The following MTOR variants were observed in gnomAD, a reference collection of about 807,000 sequenced individuals.
The protein encoded by MTOR is mechanistic target of rapamycin kinase.
Under a neutral mutation model 319.8 loss-of-function variants are expected in MTOR, and 70 were observed. That is an observed-to-expected ratio of 0.22 (90% CI 0.18 to 0.27). MTOR has a LOEUF of 0.27. Ranked by LOEUF, MTOR falls within the 10% of genes least tolerant of loss-of-function variation. The probability of loss-of-function intolerance (pLI) is 1.00; values close to 1 mark genes in which losing one functional copy is unlikely to be tolerated. For missense variants in MTOR, 1,890 were observed against 3,274.4 expected (o/e 0.58, Z 10.32); for synonymous variants, 1,183 against 1,211.4 (o/e 0.98, Z 0.49).
intron 24 of MTOR, among the ~76,000 whole-genome samples, chr1:11,210,212 G>A (rs963632382): frequency 2.0e-5 from 3 of 152,200 alleles, no homozygotes; most frequent in African/African-American, 7.2e-5. Context: ...ACCCAGGCTG[G>A]AGTGCACTGG....
At chr1:11,233,632 T>C (rs1647097330) in intron 14 of MTOR, 145 bp from the exon 15 acceptor site, 1 of 661,382 alleles carries the variant, frequency 1.5e-6, no homozygotes, top group South Asian at 2.0e-5. Flanking sequence ...TTCTCTGGAA[T>C]GTAAATTCTC....
At chr1:11,108,678 A>G (rs868163671) in intron 56 of MTOR, among the ~76,000 whole-genome samples, 25 of 145,764 alleles carry the variant, frequency 1.7e-4, no homozygotes, top group African/African-American at 5.7e-4. Flanking sequence ...GCACCACTGC[A>G]CTCCAGCCTG....
Position 11,127,647 on chromosome 1 carries a change from G to A in MTOR, c.6193C>T (p.Leu2065=), listed in dbSNP as rs751768790. Residue 2065 remains leucine, a synonymous_variant, in exon 44 of 58, where the codon CTG becomes TTG. Transcript: ENST00000361445. The surrounding 1 kb of genome is among the most constrained non-coding windows in gnomAD (Gnocchi z 5.5). ...HAMMERGPQT[L]KETSFNQAYG... ...ACCTGATTAAAGGATGTTTCCTTCA[G>A]AGTCTGGGGGCCCCGTTCCATCATA... is the stretch of plus-strand genomic sequence containing the variant. The A allele has an allele frequency of 6.2e-7, 1 of 1,613,660 alleles. No individual in the cohort carries two copies. The highest frequency in any genetic ancestry group is 8.5e-7 in the Non-Finnish European group (1 of 1,179,872).
At chr1:11,188,177 A>C (rs900184028) in intron 28 of MTOR, among the ~76,000 whole-genome samples, 1 of 152,314 alleles carries the variant, frequency 6.6e-6, no homozygotes, top group Admixed American at 6.5e-5. Flanking sequence ...CATAACATGG[A>C]AACAGCAATC....
chr1:11,209,927 G>A (rs1329951935), intron 24 of MTOR, among the ~76,000 whole-genome samples: 1 of 152,154 alleles, frequency 6.6e-6, no homozygotes, highest in East Asian at 1.9e-4. Flanking sequence ...GAGTGCAGTA[G>A]CGCAATCTCA....
In MTOR at chr1:11,212,426, A is replaced by C. The variant is rs766473335; in HGVS notation, c.3447T>G (p.Thr1149=). Residue 1149 remains threonine (T), a synonymous_variant, in exon 23 of 58, where the codon ACT becomes ACG. Coordinates refer to ENST00000361445, the MANE Select transcript of MTOR (RefSeq NM_004958.4). The surrounding 1 kb of genome is among the most constrained non-coding windows in gnomAD (Gnocchi z 4.1). The stretch of plus-strand genomic sequence containing the variant: ...GGTGAATGATCCGGGAGGCATAGTC[A>C]GTGAAATCCAGGGACTCCGTCAGGC... The part of the protein sequence containing the change: ...VDRLTESLDF[T]DYASRIIHPI... 6.2e-7 allele frequency: 1 copy of C among 1,614,198 alleles called. No individual in the cohort carries two copies. Among genetic ancestry groups the C allele is most frequent in the Admixed American group, 1.7e-5 (1 of 60,020 alleles).
chr1:11,131,074 G>C, intron 38 of MTOR: 1 of 471,720 alleles, frequency 2.1e-6, no homozygotes, highest in Non-Finnish European at 3.8e-6. Context: ...GGGAGCTCAC[G>C]CACAAACCTG....
At position 11,108,473 on chromosome 1, in the gene MTOR, G is replaced by T. The variant is rs370322516; in HGVS notation, c.7529-187C>A. On this transcript the variant is annotated intron_variant, in intron 56 of 57. Coordinates refer to ENST00000361445, the MANE Select transcript of MTOR (RefSeq NM_004958.4). Reference sequence around the variant, plus strand: ...TCACGCCTGTAATCCCAGCACTTTAGGAGGCTGAGGCAGGCAGATCACCTG... The same window carrying T: ...TCACGCCTGTAATCCCAGCACTTTATGAGGCTGAGGCAGGCAGATCACCTG... 3.2e-4 allele frequency among the ~76,000 whole-genome samples: 48 copies of T among 151,582 alleles called. No homozygotes were observed. In the South Asian group the frequency reaches 7.9e-3, roughly 25 times the overall value.
intron 38 of MTOR, chr1:11,131,785 C>T (rs1055497278): frequency 9.9e-5 from 15 of 152,224 alleles, no homozygotes; most frequent in African/African-American, 2.7e-4. Context: ...TAGGACACTA[C>T]GTGACCCATT....
At chr1:11,191,343 T>C (rs2100707949) in intron 28 of MTOR, among the ~76,000 whole-genome samples, 1 of 152,308 alleles carries the variant, frequency 6.6e-6, no homozygotes, top group East Asian at 1.9e-4. Flanking sequence ...TGAAGAATAG[T>C]GATGGCGAAG....
chr1:11,153,113 C>G (rs969780652), intron 30 of MTOR, among the ~76,000 whole-genome samples: 2 of 152,156 alleles, frequency 1.3e-5, no homozygotes, highest in Middle Eastern at 3.2e-3. Context: ...CAAGTCTCTT[C>G]CAATGTATCC....
intron 28 of MTOR, chr1:11,189,735 C>A: frequency 1.2e-6 from 2 of 1,614,156 alleles, no homozygotes; most frequent in Non-Finnish European, 1.7e-6. Context: ...TGAAGGAGCT[C>A]AAGGCCCAAG....
intron 49 of MTOR, among the ~76,000 whole-genome samples, chr1:11,117,965 A>G (rs894353023): frequency 6.6e-6 from 1 of 152,030 alleles, no homozygotes; most frequent in African/African-American, 2.4e-5. Flanking sequence ...CTGTAATCCC[A>G]GCTACTCAGG....
At chr1:11,146,544 A>G in intron 32 of MTOR, 132 bp downstream of exon 32, 1 of 690,600 alleles carries the variant, frequency 1.4e-6, no homozygotes, top group East Asian at 2.7e-5. Flanking sequence ...AATCAAAACC[A>G]TTCAAATGTA....
intron 1 of MTOR, among the ~76,000 whole-genome samples, chr1:11,260,044 A>G (rs890526770): frequency 2.0e-4 from 30 of 152,248 alleles, no homozygotes; most frequent in Non-Finnish European, 3.5e-4. Flanking sequence ...ATACGTGTCA[A>G]AAAGTGTTTA....
At chr1:11,163,715 A>C (rs891292960) in intron 29 of MTOR, among the ~76,000 whole-genome samples, 1 of 152,210 alleles carries the variant, frequency 6.6e-6, no homozygotes, top group African/African-American at 2.4e-5. Flanking sequence ...GGCAGAAATA[A>C]AGATGTTCTT....
intron 29 of MTOR, among the ~76,000 whole-genome samples, chr1:11,166,241 C>T (rs1644640143): frequency 6.6e-6 from 1 of 152,166 alleles, no homozygotes; most frequent in African/African-American, 2.4e-5. Flanking sequence ...CCAAAATTGA[C>T]AAATGGGATC....
intron 29 of MTOR, among the ~76,000 whole-genome samples, chr1:11,162,800 G>T (rs1475179428): frequency 6.6e-6 from 1 of 152,120 alleles, no homozygotes; most frequent in African/African-American, 2.4e-5. Flanking sequence ...AACATGGAAA[G>T]GAACAACCGG....
At position 11,241,275 on chromosome 1, in the gene MTOR, T is replaced by TGG. The variant is rs1246422819; in HGVS notation, c.1541+276_1541+277dup. Among the ~76,000 whole-genome samples, 9 of 137,288 alleles carry TGG rather than the reference T, an allele frequency of 6.6e-5. 1 individual carries two copies. The highest frequency in any genetic ancestry group is 2.2e-4 in the African/African-American group (8 of 35,652). The allele number at this position is 137,288 out of a possible 152,430, so 90.1% of individuals were successfully genotyped here. On this transcript the variant is annotated intron_variant, in intron 10 of 57. Transcript: ENST00000361445. ...GGCGGAGCTTGCAGTGAGCCAAGAC[T>TGG]GGGCCACTGCACTCCAGCCTGGGCG... is the stretch of plus-strand genomic sequence containing the variant.
Sources: allele counts gnomAD v4.1 joint callset (sites outside exome capture counted in the v4.1 genomes callset), GRCh38; gene constraint gnomAD v4.1.1; non-coding constraint Gnocchi (gnomAD v3.1); transcripts MANE v1.5; gene names NCBI Gene and HGNC (gene_info 2026-07-23, HGNC 2026-07-21).